The following ARMC9 variants were observed in gnomAD, a reference collection of about 807,000 sequenced individuals.
ARMC9 encodes the protein lisH domain-containing protein ARMC9.
In ARMC9, 94 loss-of-function variants were observed where a neutral mutation model predicts 107.0. The observed-to-expected ratio is 0.88, with a 90% CI of 0.74 to 1.04. The LOEUF is 1.04. ARMC9 is among the 50% of genes least tolerant of loss of function. The pLI is 0.00. For missense variants in ARMC9, 942 were observed against 1,030.1 expected, an observed-to-expected ratio of 0.91 and a Z score of 1.17; for synonymous variants, 380 against 396.9, an observed-to-expected ratio of 0.96 and a Z score of 0.51.
At chr2:231,341,305 C>T (rs868730180) in intron 20 of ARMC9, among the ~76,000 whole-genome samples, 3 of 152,180 alleles carry the variant, frequency 2.0e-5, no homozygotes, top group Admixed American at 6.5e-5. Context: ...CATATGATGA[C>T]GGGTACACTT....
At chr2:231,202,616 C>T (rs1388102517) in intron 1 of ARMC9, among the ~76,000 whole-genome samples, 3 of 152,180 alleles carry the variant, frequency 2.0e-5, no homozygotes, top group Non-Finnish European at 4.4e-5. Context: ...GCCACTGCAC[C>T]CAGCCTGTTT....
chr2:231,278,525 C>T, intron 16 of ARMC9, 67 bp downstream of exon 16: 1 of 1,368,716 alleles, frequency 7.3e-7, no homozygotes, highest in South Asian at 1.2e-5. Context: ...GCCTGTGACC[C>T]CACAGGCACA....
intron 21 of ARMC9, among the ~76,000 whole-genome samples, chr2:231,349,384 C>T (rs1283706063): frequency 2.6e-5 from 4 of 151,736 alleles, no homozygotes; most frequent in African/African-American, 9.7e-5. Flanking sequence ...CAATTGAGCT[C>T]ATGGAGATAG....
intron 4 of ARMC9, 98 bp downstream of exon 4, chr2:231,215,099 T>C: frequency 7.1e-7 from 1 of 1,411,568 alleles, no homozygotes; most frequent in Non-Finnish European, 9.8e-7. Flanking sequence ...TATGTGGCTG[T>C]GCTGTCATAA....
At chr2:231,334,405 C>G (rs2125562756) in intron 20 of ARMC9, among the ~76,000 whole-genome samples, 1 of 152,376 alleles carries the variant, frequency 6.6e-6, no homozygotes, top group South Asian at 2.1e-4. Context: ...GTGGCTGCAA[C>G]ATGCCAATCC....
rs759799287 is a variant in ARMC9, at chr2:231,262,306, C to A, written c.1027C>A (p.Arg343Ser). ...CTACTTTTGTTTTTCTTTGCTCCAG[C>A]GCTTGACCACATCCCATCCTGGAGA... is the stretch of plus-strand genomic sequence containing the variant. ...KAFLLQALRWRLTTSHPGEQR... is the reference protein window; with the variant it reads ...KAFLLQALRWSLTTSHPGEQR... Residue 343 changes from arginine to serine, a missense_variant and splice_region_variant, in exon 12 of 25, where the codon CGC becomes AGC. By Grantham distance (110) the Arg-to-Ser change is moderately radical. Transcript: ENST00000611582. 2.5e-6 allele frequency: 4 copies of A among 1,614,084 alleles called. No homozygotes were observed. Among genetic ancestry groups the A allele is most frequent in the Non-Finnish European group, 3.4e-6 (4 of 1,179,962 alleles).
At chr2:231,353,479 G>T (rs2045192919) in intron 21 of ARMC9, among the ~76,000 whole-genome samples, 2 of 109,786 alleles carry the variant, frequency 1.8e-5, no homozygotes, top group Non-Finnish European at 3.2e-5. Context: ...ACTGCACCCG[G>T]CCACAAAGTG....
chr2:231,243,261 A>C (rs919415067), intron 9 of ARMC9, among the ~76,000 whole-genome samples: 2 of 151,112 alleles, frequency 1.3e-5, no homozygotes, highest in Non-Finnish European at 2.9e-5. Flanking sequence ...AAAAAAAAAA[A>C]AATTAGTTGG....
intron 9 of ARMC9, among the ~76,000 whole-genome samples, chr2:231,250,124 A>C (rs565982157): frequency 6.6e-6 from 1 of 152,312 alleles, no homozygotes; most frequent in Admixed American, 6.5e-5. Flanking sequence ...AATCCTAGAA[A>C]TGAGACAGCA....
chr2:231,234,171 G>C (rs2035500756), intron 7 of ARMC9, among the ~76,000 whole-genome samples: 1 of 152,184 alleles, frequency 6.6e-6, no homozygotes, highest in Non-Finnish European at 1.5e-5. Flanking sequence ...CTCTGGGTTT[G>C]GGGGCACTGT....
At chr2:231,324,841 G>T (rs1335063759) in intron 19 of ARMC9, among the ~76,000 whole-genome samples, 1 of 152,134 alleles carries the variant, frequency 6.6e-6, no homozygotes, top group African/African-American at 2.4e-5. Flanking sequence ...TTCAGAGGCT[G>T]AGGCAGAAGA....
At chr2:231,250,662 G>A (rs1048529091) in intron 9 of ARMC9, among the ~76,000 whole-genome samples, 2 of 152,160 alleles carry the variant, frequency 1.3e-5, no homozygotes, top group Non-Finnish European at 2.9e-5. Context: ...GAAGGAGGCC[G>A]AAGAGAGTGA....
intron 23 of ARMC9, among the ~76,000 whole-genome samples, chr2:231,366,227 A>G (rs2045812812): frequency 2.6e-5 from 4 of 152,296 alleles, no homozygotes; most frequent in South Asian, 4.1e-4. Flanking sequence ...GTCTTTTTCT[A>G]TTATGGCCTT....
At chr2:231,218,185 C>T (rs557836874) in intron 5 of ARMC9, among the ~76,000 whole-genome samples, 1 of 152,276 alleles carries the variant, frequency 6.6e-6, no homozygotes, top group African/African-American at 2.4e-5. Flanking sequence ...TTCATTAAAG[C>T]AGGCCTTTTG....
At chr2:231,206,560 A>G (rs1034459327) in intron 2 of ARMC9, among the ~76,000 whole-genome samples, 2 of 152,160 alleles carry the variant, frequency 1.3e-5, no homozygotes, top group African/African-American at 4.8e-5. Flanking sequence ...TAAAAAGGAA[A>G]TTTCCCTCCC....
chr2:231,211,149 C>CAT (rs2032794502), intron 3 of ARMC9, among the ~76,000 whole-genome samples: 1 of 151,198 alleles, frequency 6.6e-6, no homozygotes, highest in Non-Finnish European at 1.5e-5. Flanking sequence ...CACACACACA[C>CAT]ACACACACAC....
Position 231,355,872 on chromosome 2 carries a change from C to T in ARMC9, c.2069C>T (p.Ala690Val). ...RNGHPQALPA[A>V]HEAVYREGKP... ...GGCCACCCGCAGGCCCTGCCAGCCG[C>T]TCACGAGGCTGTCTACAGGGAGGGC... is the stretch of plus-strand genomic sequence containing the variant. The change falls in exon 22 of 25, where the codon GCT becomes GTT. Residue 690 changes from alanine to valine, a missense_variant. Coordinates refer to ENST00000611582, the MANE Select transcript of ARMC9 (RefSeq NM_001352754.2). The T allele has an allele frequency of 6.5e-7, 1 of 1,536,138 alleles. No individual in the cohort carries two copies. Among genetic ancestry groups the T allele is most frequent in the Non-Finnish European group, 8.7e-7 (1 of 1,146,904 alleles).
intron 21 of ARMC9, among the ~76,000 whole-genome samples, chr2:231,350,362 C>G (rs1210331049): frequency 6.6e-6 from 1 of 151,982 alleles, no homozygotes; most frequent in East Asian, 1.9e-4. Context: ...TATTACGGTA[C>G]TTTGTTAGAA....
intron 20 of ARMC9, among the ~76,000 whole-genome samples, chr2:231,339,409 CA>C (rs529681524): frequency 4.9e-4 from 74 of 151,594 alleles, no homozygotes; most frequent in African/African-American, 1.8e-3. Context: ...AAAAATAATA[CA>C]AAAGAAAATG....
Sources: allele counts gnomAD v4.1 joint callset (sites outside exome capture counted in the v4.1 genomes callset), GRCh38; gene constraint gnomAD v4.1.1; transcripts MANE v1.5; gene names NCBI Gene and HGNC (gene_info 2026-07-23, HGNC 2026-07-21).